Variants in CHLSN observed in about 807,000 individuals in gnomAD.
CHLSN encodes cholesin.
At chr7:1,048,696 A>G in the CHLSN span, among the ~76,000 whole-genome samples, 2 of 152,224 alleles carry the variant, frequency 1.3e-5, no homozygotes, top group African/African-American at 4.8e-5. Context: ...AAAGATGCCA[A>G]CGTCTCACTT....
the CHLSN span, among the ~76,000 whole-genome samples, chr7:1,081,295 G>A: frequency 1.3e-5 from 2 of 152,228 alleles, no homozygotes; most frequent in Non-Finnish European, 2.9e-5. Context: ...GATTTGAGAG[G>A]GCTTCGGGGA....
the CHLSN span, among the ~76,000 whole-genome samples, chr7:1,126,851 G>C: frequency 2.0e-5 from 3 of 152,102 alleles, no homozygotes; most frequent in African/African-American, 7.2e-5. Context: ...TATTCGACAC[G>C]AACATTTCTA....
chr7:1,124,827 A>C, the CHLSN span, among the ~76,000 whole-genome samples: 2 of 151,468 alleles, frequency 1.3e-5, no homozygotes, highest in African/African-American at 4.9e-5. Flanking sequence ...ATTCAAGGTG[A>C]GGCTCAGGTG....
the CHLSN span, among the ~76,000 whole-genome samples, chr7:1,136,489 TAAAC>T: frequency 8.2e-6 from 1 of 121,852 alleles, no homozygotes; most frequent in African/African-American, 3.4e-5. Flanking sequence ...TAAACATATA[TAAAC>T]ATATAAATAT....
the CHLSN span, among the ~76,000 whole-genome samples, chr7:1,109,690 C>G: frequency 1.8e-4 from 27 of 151,476 alleles, no homozygotes; most frequent in African/African-American, 5.6e-4. Context: ...CCTCCATGGC[C>G]AGCAGGGCCC....
the CHLSN span, among the ~76,000 whole-genome samples, chr7:1,030,683 TGGGACTCTCTCCCCAGGCAGGCG>T: frequency 6.6e-6 from 1 of 151,734 alleles, no homozygotes; most frequent in Non-Finnish European, 1.5e-5. Flanking sequence ...TTTGGGCAGG[TGGGACTCTCTCCCCAGGCAGGCG>T]GGGACTCTCT....
chr7:1,127,379 T>C, the CHLSN span: 1 of 1,606,722 alleles, frequency 6.2e-7, no homozygotes, highest in Non-Finnish European at 8.5e-7. Flanking sequence ...CTCTTCTGTT[T>C]TGCCATCCTG....
the CHLSN span, among the ~76,000 whole-genome samples, chr7:1,122,452 G>A: frequency 2.6e-5 from 4 of 152,202 alleles, no homozygotes; most frequent in Admixed American, 2.6e-4. Context: ...TCACGCGTAT[G>A]CCGCCTTCCC....
At chr7:1,090,422 C>A in the CHLSN span, among the ~76,000 whole-genome samples, 1 of 152,182 alleles carries the variant, frequency 6.6e-6, no homozygotes, top group Admixed American at 6.5e-5. Context: ...GCCGGGGTGA[C>A]ACGGGGCAGG....
chr7:1,115,040 T>C, the CHLSN span, among the ~76,000 whole-genome samples: 2 of 152,372 alleles, frequency 1.3e-5, no homozygotes, highest in East Asian at 3.9e-4. Context: ...ACCGTGGGCA[T>C]GTCTGTTACC....
chr7:1,103,234 G>C, the CHLSN span, among the ~76,000 whole-genome samples: 1 of 152,224 alleles, frequency 6.6e-6, no homozygotes, highest in African/African-American at 2.4e-5. Flanking sequence ...CCGACCCTGT[G>C]GTAAAAGACA....
At chr7:1,013,503 G>C in the CHLSN span, among the ~76,000 whole-genome samples, 1 of 152,222 alleles carries the variant, frequency 6.6e-6, no homozygotes, top group African/African-American at 2.4e-5. Flanking sequence ...CCAGGATTCT[G>C]GGAAGGGGCA....
At chr7:1,131,896 T>C in the CHLSN span, among the ~76,000 whole-genome samples, 38 of 152,214 alleles carry the variant, frequency 2.5e-4, 1 homozygote, top group African/African-American at 9.2e-4. Flanking sequence ...TGAATGTTTG[T>C]TATGGAAAAT....
chr7:1,082,491 A>T, the CHLSN span, among the ~76,000 whole-genome samples: 56 of 152,342 alleles, frequency 3.7e-4, no homozygotes, highest in Non-Finnish European at 5.0e-4. Flanking sequence ...GACAAAGTGA[A>T]TGGGGTTAAA....
the CHLSN span, chr7:1,127,188 C>G: frequency 3.3e-6 from 5 of 1,504,648 alleles, no homozygotes; most frequent in Non-Finnish European, 4.4e-6. Context: ...TGAGCCACCC[C>G]CTCTCCCTCC....
the CHLSN span, among the ~76,000 whole-genome samples, chr7:1,040,850 TA>T: frequency 1.3e-5 from 2 of 152,118 alleles, no homozygotes; most frequent in African/African-American, 4.8e-5. Context: ...CTAGAACACA[TA>T]AACAACGAGA....
At chr7:1,111,978 T>C in the CHLSN span, among the ~76,000 whole-genome samples, 3 of 152,232 alleles carry the variant, frequency 2.0e-5, no homozygotes, top group Non-Finnish European at 4.4e-5. Context: ...GTTTCTTCCA[T>C]AAATTTCTCT....
chr7:1,136,105 AAT>A, the CHLSN span, among the ~76,000 whole-genome samples: 5 of 77,780 alleles, frequency 6.4e-5, no homozygotes, highest in Non-Finnish European at 1.2e-4. Flanking sequence ...TGTGTATATA[AAT>A]ATATATACAT....
the CHLSN span, among the ~76,000 whole-genome samples, chr7:1,007,571 C>A: frequency 1.3e-5 from 2 of 152,214 alleles, no homozygotes; most frequent in Non-Finnish European, 2.9e-5. Flanking sequence ...CTTGGAGACC[C>A]CCAGGAAAGA....
Sources: allele counts gnomAD v4.1 joint callset (sites outside exome capture counted in the v4.1 genomes callset), GRCh38; gene constraint gnomAD v4.1.1; transcripts MANE v1.5; gene names NCBI Gene and HGNC (gene_info 2026-07-23, HGNC 2026-07-21).